Variants in TNKS observed in about 807,000 individuals in gnomAD.
The protein encoded by TNKS is tankyrase, also known as poly [ADP-ribose] polymerase tankyrase-1.
TNKS carries 72 observed loss-of-function variants against 135.8 expected under a neutral mutation model. The observed-to-expected ratio is 0.53, with a 90% CI of 0.44 to 0.64. The LOEUF (loss-of-function observed/expected upper bound fraction) is 0.64, where lower values mean the gene tolerates loss of function less well. Among genes scored for constraint, TNKS ranks in the 30% least tolerant of loss-of-function variants. The pLI is 0.00. For missense variants in TNKS, 1,769 were observed against 1,674.0 expected (o/e 1.06, Z -0.99); for synonymous variants, 849 against 649.3 (o/e 1.31, Z -4.68).
intron 2 of TNKS, among the ~76,000 whole-genome samples, chr8:9,582,990 C>T (rs534973622): frequency 2.0e-5 from 3 of 151,972 alleles, no homozygotes; most frequent in South Asian, 2.1e-4. Flanking sequence ...CACGGTGAAA[C>T]CCCATCTCTA....
intron 26 of TNKS, among the ~76,000 whole-genome samples, chr8:9,773,025 A>G (rs1426222820): frequency 6.6e-6 from 1 of 151,774 alleles, no homozygotes; most frequent in Admixed American, 6.6e-5. Flanking sequence ...GTAAGTTGGT[A>G]GCTGTTTCCA....
intron 18 of TNKS, among the ~76,000 whole-genome samples, chr8:9,749,602 G>A (rs928184071): frequency 2.0e-5 from 3 of 151,834 alleles, no homozygotes; most frequent in African/African-American, 4.8e-5. Context: ...AATCTCCTGA[G>A]TAGCTGGGAC....
chr8:9,623,594 G>T (rs1799946549), intron 3 of TNKS, among the ~76,000 whole-genome samples: 1 of 152,128 alleles, frequency 6.6e-6, no homozygotes, highest in African/African-American at 2.4e-5. Context: ...GAAAAATGGT[G>T]CCAATAGACT....
chr8:9,665,877 G>A (rs946162891), intron 3 of TNKS, among the ~76,000 whole-genome samples: 11 of 152,040 alleles, frequency 7.2e-5, no homozygotes, highest in South Asian at 4.2e-4. Flanking sequence ...CAGAGTCTAC[G>A]CACCTCAAGA....
At chr8:9,556,733 C>T in intron 1 of TNKS, 121 bp downstream of exon 1, 5 of 1,145,308 alleles carry the variant, frequency 4.4e-6, no homozygotes, top group East Asian at 5.0e-5. Flanking sequence ...TCTTCATCAC[C>T]TCACCAGAAG....
intron 4 of TNKS, 60 bp from the exon 5 acceptor site, chr8:9,680,665 C>A: frequency 3.4e-6 from 4 of 1,184,006 alleles, no homozygotes; most frequent in Non-Finnish European, 2.5e-6. Context: ...AAAAATTATG[C>A]ATAAATATTC....
chr8:9,689,033 A>G (rs1483370229), intron 5 of TNKS, among the ~76,000 whole-genome samples: 1 of 152,132 alleles, frequency 6.6e-6, no homozygotes, highest in Admixed American at 6.5e-5. Flanking sequence ...ATTACCTCAC[A>G]AAGACCCTGT....
rs1189052252 is a variant in TNKS, at chr8:9,556,542, G to A, written c.603G>A (p.Leu201=). Residue 201 remains leucine (L), a synonymous_variant, in exon 1 of 27, where the codon CTG becomes CTA. Transcript: ENST00000310430. ...GGGACGTGTCCCGGGTAAAGAGGCTGGTGGACGCGGCAAACGTAAATGCAA... is the reference window on the plus strand; with the variant it reads ...GGGACGTGTCCCGGGTAAAGAGGCTAGTGGACGCGGCAAACGTAAATGCAA... ...RNGDVSRVKR[L]VDAANVNAKD... The A allele has an allele frequency of 6.2e-7, 1 of 1,614,186 alleles. No individual in the cohort carries two copies. The highest frequency in any genetic ancestry group is 1.3e-5 in the African/African-American group (1 of 75,048).
At chr8:9,668,857 A>G (rs1186884759) in intron 3 of TNKS, among the ~76,000 whole-genome samples, 1 of 152,212 alleles carries the variant, frequency 6.6e-6, no homozygotes, top group Non-Finnish European at 1.5e-5. Context: ...AATTGAATAA[A>G]TTTAGTCTAT....
chr8:9,724,185 C>T (rs146004477), intron 12 of TNKS, among the ~76,000 whole-genome samples: 1 of 152,140 alleles, frequency 6.6e-6, no homozygotes, highest in East Asian at 1.9e-4. Context: ...TGTGGTTGCT[C>T]ACGCCTATAA....
intron 1 of TNKS, among the ~76,000 whole-genome samples, chr8:9,561,031 G>A (rs1321229262): frequency 6.6e-6 from 1 of 152,088 alleles, no homozygotes; most frequent in African/African-American, 2.4e-5. Flanking sequence ...CAAGCCAACT[G>A]TTCAACAATA....
rs867767108 is a variant in TNKS at position 9,594,423 on chromosome 8, C to A, written c.898+14040C>A. Among the ~76,000 whole-genome samples, 4 of 152,206 alleles carry A rather than the reference C, an allele frequency of 2.6e-5. 1 individual carries two copies. The Middle Eastern group carries it at 0.014, about 518-fold the overall frequency. ...AAATTTAGTTTCTCAGTTGCACTAGCCGTGTTTTAAATGCTTAATGACCGT... is the reference window on the plus strand; with the variant it reads ...AAATTTAGTTTCTCAGTTGCACTAGACGTGTTTTAAATGCTTAATGACCGT... On this transcript the variant is annotated intron_variant, in intron 2 of 26. Transcript: ENST00000310430.
At chr8:9,690,946 C>T (rs990199924) in intron 5 of TNKS, among the ~76,000 whole-genome samples, 6 of 152,142 alleles carry the variant, frequency 3.9e-5, no homozygotes, top group Admixed American at 3.9e-4. Context: ...CTAGTTCAAC[C>T]TCCCAATGCA....
At chr8:9,626,754 G>C (rs1185032517) in intron 3 of TNKS, among the ~76,000 whole-genome samples, 1 of 152,156 alleles carries the variant, frequency 6.6e-6, no homozygotes, top group African/African-American at 2.4e-5. Context: ...ACACCCATGA[G>C]GGAGTTTTTA....
chr8:9,643,665 G>A (rs890091372), intron 3 of TNKS, among the ~76,000 whole-genome samples: 2 of 152,130 alleles, frequency 1.3e-5, no homozygotes, highest in Non-Finnish European at 2.9e-5. Context: ...CTTGAGCACT[G>A]TTGGTGGGAT....
At chr8:9,765,548 C>T in intron 23 of TNKS, 144 bp from the exon 24 acceptor site, 2 of 656,758 alleles carry the variant, frequency 3.0e-6, no homozygotes, top group Admixed American at 2.9e-5. Flanking sequence ...TTCTGAATTA[C>T]ACTGACATGG....
intron 3 of TNKS, among the ~76,000 whole-genome samples, chr8:9,645,614 A>T (rs1800892569): frequency 6.6e-6 from 1 of 152,156 alleles, no homozygotes; most frequent in African/African-American, 2.4e-5. Flanking sequence ...TATGAGGCAC[A>T]TACTTAATCT....
chr8:9,770,115 C>T lies in TNKS; in HGVS notation c.3750C>T (p.Leu1250=), dbSNP rs373913930. The change falls in exon 26 of 27, where the codon CTC becomes CTT. Residue 1250 remains leucine, a synonymous_variant. Coordinates refer to ENST00000310430, the MANE Select transcript of TNKS (RefSeq NM_003747.3). ...RSCYICHRQM[L]FCRVTLGKSF... ...TTTTCTTTTTCCTTAGACAAATGCT[C>T]TTCTGTAGAGTGACCCTTGGGAAAT... The T allele has an allele frequency of 1.9e-6, 3 of 1,609,170 alleles. No individual in the cohort carries two copies. The highest frequency in any genetic ancestry group is 2.7e-5 in the African/African-American group (2 of 74,766).
At chr8:9,564,612 A>G (rs765997178) in intron 1 of TNKS, among the ~76,000 whole-genome samples, 3 of 152,244 alleles carry the variant, frequency 2.0e-5, no homozygotes, top group Non-Finnish European at 2.9e-5. Flanking sequence ...ATATTGCAGT[A>G]GATAAAATTG....
Sources: gnomAD v4.1 joint callset for allele counts (sites outside exome capture counted in the v4.1 genomes callset) on GRCh38, gnomAD v4.1.1 for gene constraint, MANE v1.5 for transcripts, NCBI Gene and HGNC (gene_info 2026-07-23, HGNC 2026-07-21) for gene names.